Variants in ADAMTS6 observed in about 807,000 individuals in gnomAD.
The protein encoded by ADAMTS6 is A disintegrin and metalloproteinase with thrombospondin motifs 6.
In ADAMTS6, 23 loss-of-function variants were observed where a neutral mutation model predicts 144.3. The observed-to-expected ratio is 0.16, with a 90% CI of 0.11 to 0.23. ADAMTS6 has a LOEUF of 0.23. ADAMTS6 is among the 10% of genes least tolerant of loss of function. The probability of loss-of-function intolerance (pLI) is 1.00; values close to 1 mark genes in which losing one functional copy is unlikely to be tolerated. For missense variants in ADAMTS6, 999 were observed against 1,379.6 expected (o/e 0.72, Z 4.37); for synonymous variants, 444 against 457.5 (o/e 0.97, Z 0.38).
chr5:65,398,848 G>A (rs1389048557), intron 7 of ADAMTS6, among the ~76,000 whole-genome samples: 1 of 141,720 alleles, frequency 7.1e-6, no homozygotes, highest in Non-Finnish European at 1.5e-5. Flanking sequence ...AAGAAAGAAA[G>A]AAAAAGAAAG....
chr5:65,327,876 T>C (rs1020277051), intron 9 of ADAMTS6, among the ~76,000 whole-genome samples: 3 of 152,224 alleles, frequency 2.0e-5, no homozygotes, highest in Admixed American at 2.0e-4. Context: ...GTTCACCCAC[T>C]GTATGTTACT....
intron 3 of ADAMTS6, among the ~76,000 whole-genome samples, chr5:65,464,870 T>A (rs1759882872): frequency 6.6e-6 from 1 of 152,154 alleles, no homozygotes; most frequent in Non-Finnish European, 1.5e-5. Flanking sequence ...CCCCATGAGG[T>A]CCCATAATCC....
At chr5:65,249,294 T>C (rs997277731) in intron 14 of ADAMTS6, among the ~76,000 whole-genome samples, 1 of 151,886 alleles carries the variant, frequency 6.6e-6, no homozygotes, top group South Asian at 2.1e-4. Context: ...AATGGTGGAG[T>C]ATGACCTTCC....
At chr5:65,346,343 G>A (rs992631574) in intron 7 of ADAMTS6, among the ~76,000 whole-genome samples, 1 of 151,796 alleles carries the variant, frequency 6.6e-6, no homozygotes, top group African/African-American at 2.4e-5. Flanking sequence ...ATCAATATGT[G>A]ATACATCACA....
At chr5:65,302,103 A>G (rs1302662731) in intron 9 of ADAMTS6, among the ~76,000 whole-genome samples, 2 of 118,622 alleles carry the variant, frequency 1.7e-5, no homozygotes, top group East Asian at 4.3e-4. Flanking sequence ...AAAAAAAAAA[A>G]AAAAATATAT....
chr5:65,218,285 GA>G (rs1292953666), intron 18 of ADAMTS6, among the ~76,000 whole-genome samples: 2 of 152,088 alleles, frequency 1.3e-5, no homozygotes, highest in Admixed American at 6.5e-5. Context: ...CTAGAATAAA[GA>G]ATATTCTGGA....
chr5:65,428,864 A>G (rs935021965), intron 7 of ADAMTS6, among the ~76,000 whole-genome samples: 2 of 152,214 alleles, frequency 1.3e-5, no homozygotes, highest in African/African-American at 4.8e-5. Context: ...AAAGTTGAGG[A>G]AATGAGGAAA....
chr5:65,401,925 C>T (rs924300831), intron 7 of ADAMTS6, among the ~76,000 whole-genome samples: 1 of 152,126 alleles, frequency 6.6e-6, no homozygotes, highest in African/African-American at 2.4e-5. Flanking sequence ...ACTGTCTCCA[C>T]TACCACATGT....
intron 15 of ADAMTS6, among the ~76,000 whole-genome samples, chr5:65,234,452 CTTTT>C (rs145639535): frequency 6.8e-6 from 1 of 146,748 alleles, no homozygotes; most frequent in Non-Finnish European, 1.5e-5. Context: ...TGTGAATAGA[CTTTT>C]TTTTTTCCCA....
At chr5:65,392,057 G>C (rs1752966070) in intron 7 of ADAMTS6, among the ~76,000 whole-genome samples, 1 of 152,016 alleles carries the variant, frequency 6.6e-6, no homozygotes, top group Admixed American at 6.6e-5. Flanking sequence ...TTTTTTAAAG[G>C]ACACCATCTT....
intron 9 of ADAMTS6, among the ~76,000 whole-genome samples, chr5:65,319,903 T>C (rs1465806801): frequency 6.6e-6 from 1 of 152,170 alleles, no homozygotes; most frequent in Non-Finnish European, 1.5e-5. Context: ...GAGTGCAATG[T>C]TGTGATCTTG....
At chr5:65,250,851 T>C (rs1760095057) in intron 14 of ADAMTS6, among the ~76,000 whole-genome samples, 2 of 152,228 alleles carry the variant, frequency 1.3e-5, no homozygotes. Flanking sequence ...CTAATATTTC[T>C]TCTTTAGGCT....
chr5:65,271,465 G>T (rs1307366893), intron 12 of ADAMTS6, among the ~76,000 whole-genome samples: 1 of 148,386 alleles, frequency 6.7e-6, no homozygotes, highest in Non-Finnish European at 1.5e-5. Flanking sequence ...CTTTAAAATT[G>T]TCTGAGAGTA....
At chr5:65,388,491 T>C (rs1439678941) in intron 7 of ADAMTS6, among the ~76,000 whole-genome samples, 1 of 152,172 alleles carries the variant, frequency 6.6e-6, no homozygotes, top group Non-Finnish European at 1.5e-5. Flanking sequence ...TTTTTGGAGC[T>C]AGAAAAGCAC....
intron 18 of ADAMTS6, among the ~76,000 whole-genome samples, chr5:65,222,522 CATAGTTTT>C (rs1417685950): frequency 6.6e-6 from 1 of 151,932 alleles, no homozygotes; most frequent in Non-Finnish European, 1.5e-5. Flanking sequence ...CATTTCTTAT[CATAGTTTT>C]AAGTCTTAAG....
chr5:65,420,271 G>A (rs1028201977), intron 7 of ADAMTS6, among the ~76,000 whole-genome samples: 1 of 152,118 alleles, frequency 6.6e-6, no homozygotes, highest in Non-Finnish European at 1.5e-5. Flanking sequence ...GGATTATGGG[G>A]ATTACAATTT....
chr5:65,214,563 A>G lies in ADAMTS6; in HGVS notation c.2575+231T>C. The G allele has an allele frequency of 1.7e-6, 1 of 598,112 alleles. No individual in the cohort carries two copies. The highest frequency in any genetic ancestry group is 2.9e-6 in the Non-Finnish European group (1 of 341,038). The allele number at this position is 598,112 out of a possible 1,614,324, so 37.1% of individuals were successfully genotyped here. A position where few individuals can be genotyped will look rare whatever the true frequency, so the allele number is the denominator to read the frequency against. On this transcript the variant is annotated intron_variant, in intron 20 of 24. Transcript: ENST00000381055. The surrounding 1 kb of genome is among the most constrained non-coding windows in gnomAD (Gnocchi z 4.6). Reference sequence around the variant, plus strand: ...TCTTGGGAGAAGCACCAGCAGAGACACTCATTGTGCCAAGATGTATTTTAC... The same window carrying G: ...TCTTGGGAGAAGCACCAGCAGAGACGCTCATTGTGCCAAGATGTATTTTAC...
At chr5:65,415,567 T>C in intron 7 of ADAMTS6, 1 of 372,290 alleles carries the variant, frequency 2.7e-6, no homozygotes, top group Admixed American at 2.8e-5. Flanking sequence ...GACATGAAGA[T>C]GAAGTCCCTG....
chr5:65,293,358 A>G (rs960956959), intron 10 of ADAMTS6, among the ~76,000 whole-genome samples: 2 of 152,146 alleles, frequency 1.3e-5, no homozygotes, highest in African/African-American at 4.8e-5. Flanking sequence ...TGAAGTAGGT[A>G]TCCAATAGGC....
Sources: gnomAD v4.1 joint callset for allele counts (sites outside exome capture counted in the v4.1 genomes callset) on GRCh38, gnomAD v4.1.1 for gene constraint, Gnocchi (gnomAD v3.1) non-coding constraint, MANE v1.5 for transcripts, NCBI Gene and HGNC (gene_info 2026-07-23, HGNC 2026-07-21) for gene names.